Variants in ARPP21 observed in about 807,000 individuals in gnomAD.
ARPP21 encodes cAMP-regulated phosphoprotein 21.
Under a neutral mutation model 113.2 loss-of-function variants are expected in ARPP21, and 69 were observed. The ratio of observed to expected loss-of-function variants is 0.61; its 90% confidence interval spans 0.50 to 0.74. The LOEUF (loss-of-function observed/expected upper bound fraction) is 0.74. ARPP21 is among the 30% of genes least tolerant of loss of function. The probability of loss-of-function intolerance (pLI) is 0.00; values close to 1 mark genes in which losing one functional copy is unlikely to be tolerated. For synonymous variants in ARPP21, 368 were observed against 375.5 expected, an observed-to-expected ratio of 0.98 and a Z score of 0.23; for missense variants, 1,070 against 1,037.4, an observed-to-expected ratio of 1.03 and a Z score of -0.43.
intron 20 of ARPP21, among the ~76,000 whole-genome samples, chr3:35,792,894 A>C (rs2096774247): frequency 6.6e-6 from 1 of 152,214 alleles, no homozygotes; most frequent in South Asian, 2.1e-4. Flanking sequence ...ACACCCAAAT[A>C]AACTTCATTT....
chr3:35,770,185 A>G (rs1161929699), intron 19 of ARPP21, among the ~76,000 whole-genome samples: 2 of 152,240 alleles, frequency 1.3e-5, no homozygotes, highest in East Asian at 1.9e-4. Context: ...GCTTCCCTGC[A>G]TAGCCCCAAA....
intron 4 of ARPP21, among the ~76,000 whole-genome samples, chr3:35,683,276 A>G (rs1461715508): frequency 6.6e-6 from 1 of 151,686 alleles, no homozygotes; most frequent in Non-Finnish European, 1.5e-5. Context: ...TTTAGAGTAG[A>G]AATTTTATTC....
intron 1 of ARPP21, among the ~76,000 whole-genome samples, chr3:35,654,088 A>G (rs1043594741): frequency 1.3e-5 from 2 of 152,038 alleles, no homozygotes; most frequent in Non-Finnish European, 2.9e-5. Context: ...TAGGGGACCC[A>G]GTGATTCACA....
At chr3:35,717,463 AG>A (rs1559727799) in intron 13 of ARPP21, 106 bp downstream of exon 13, 2 of 740,180 alleles carry the variant, frequency 2.7e-6, no homozygotes, top group Non-Finnish European at 2.4e-6. Flanking sequence ...CATTTAAAAA[AG>A]TCTGGTTATC....
chr3:35,745,606 G>A (rs115247419), intron 19 of ARPP21, among the ~76,000 whole-genome samples: 1 of 152,142 alleles, frequency 6.6e-6, no homozygotes, highest in Non-Finnish European at 1.5e-5. Context: ...TATGTGAGGG[G>A]ATGAGAAAGT....
At chr3:35,748,684 T>C (rs1300194859) in intron 19 of ARPP21, among the ~76,000 whole-genome samples, 1 of 152,258 alleles carries the variant, frequency 6.6e-6, no homozygotes, top group African/African-American at 2.4e-5. Context: ...AACATTTCAT[T>C]CCTTAATGTT....
At chr3:35,760,182 C>G (rs1219517188) in intron 19 of ARPP21, among the ~76,000 whole-genome samples, 1 of 152,098 alleles carries the variant, frequency 6.6e-6, no homozygotes. Context: ...CTTTCTCCCC[C>G]TTGTTGTCGT....
At chr3:35,690,520 A>G (rs1025726225) in intron 8 of ARPP21, among the ~76,000 whole-genome samples, 3 of 151,502 alleles carry the variant, frequency 2.0e-5, no homozygotes, top group African/African-American at 7.3e-5. Flanking sequence ...ACACATCTCC[A>G]TATAGACATC....
intron 1 of ARPP21, among the ~76,000 whole-genome samples, chr3:35,672,168 G>T (rs1380067846): frequency 2.0e-5 from 3 of 152,016 alleles, no homozygotes; most frequent in Non-Finnish European, 4.4e-5. Flanking sequence ...AAATCCCTTT[G>T]TCTGCTGACT....
At chr3:35,757,064 T>A (rs2095596894) in intron 19 of ARPP21, among the ~76,000 whole-genome samples, 1 of 142,550 alleles carries the variant, frequency 7.0e-6, no homozygotes, top group Non-Finnish European at 1.5e-5. Context: ...AAGTGCCTTT[T>A]AGTGATTTTT....
In ARPP21 at chr3:35,721,637, G is replaced by A. The variant is rs765166691; in HGVS notation, c.1028G>A (p.Gly343Glu). The A allele has an allele frequency of 5.2e-5, 84 of 1,613,250 alleles. No homozygotes were observed. The South Asian group carries it at 7.0e-4, about 14-fold the overall frequency. ...GNRDGSGRTS[G>E]SRQSSSENEL... is the part of the protein sequence containing the mutation. ...AGAGATGGCTCAGGGAGAACATCTG[G>A]GAGTCGACAGAGCAGCTCAGAAAAT... is the stretch of plus-strand genomic sequence containing the variant. The change falls in exon 14 of 21, where the codon GGG becomes GAG. Residue 343 changes from glycine (G) to glutamate (E), a missense_variant. Physicochemically the swap from Gly to Glu is moderately conservative, Grantham distance 98. Transcript: ENST00000684406.
At chr3:35,651,515 T>C (rs1315901438) in intron 1 of ARPP21, among the ~76,000 whole-genome samples, 1 of 152,086 alleles carries the variant, frequency 6.6e-6, no homozygotes, top group East Asian at 1.9e-4. Flanking sequence ...GCACTAATGC[T>C]ACCCAACAGG....
At chr3:35,786,250 G>A (rs530731352) in intron 19 of ARPP21, among the ~76,000 whole-genome samples, 9 of 152,124 alleles carry the variant, frequency 5.9e-5, no homozygotes, top group Admixed American at 6.5e-5. Flanking sequence ...TTGGCCGGGC[G>A]TGGTGGTTCA....
chr3:35,766,965 T>C (rs13322667), intron 19 of ARPP21, among the ~76,000 whole-genome samples: 4,028 of 152,270 alleles, frequency 0.026, 185 homozygotes, highest in African/African-American at 0.088. Flanking sequence ...CAGCAATTAC[T>C]ATAATGGTGT....
intron 19 of ARPP21, among the ~76,000 whole-genome samples, chr3:35,769,584 C>A (rs1207292459): frequency 6.6e-6 from 1 of 152,186 alleles, no homozygotes; most frequent in African/African-American, 2.4e-5. Context: ...AGTTCGCTAT[C>A]TTTTGTTGCT....
At chr3:35,767,411 G>T (rs1262567196) in intron 19 of ARPP21, among the ~76,000 whole-genome samples, 1 of 152,066 alleles carries the variant, frequency 6.6e-6, no homozygotes, top group Non-Finnish European at 1.5e-5. Flanking sequence ...GGACAATAAA[G>T]TGTGCTCTTT....
intron 18 of ARPP21, 108 bp from the exon 19 acceptor site, chr3:35,743,731 G>A (rs1223842542): frequency 3.4e-6 from 4 of 1,175,428 alleles, no homozygotes; most frequent in Non-Finnish European, 5.0e-6. Flanking sequence ...GTTTGCGGTG[G>A]CCATCTTCAC....
intron 5 of ARPP21, chr3:35,684,848 G>A (rs900103052): frequency 1.0e-6 from 1 of 982,300 alleles, no homozygotes; most frequent in Non-Finnish European, 1.2e-6. Flanking sequence ...ATGTCATAAG[G>A]CATGGACAGG....
chr3:35,638,858 T>C (rs1697388975), upstream of ARPP21: 2 of 152,424 alleles, frequency 1.3e-5, no homozygotes, highest in Non-Finnish European at 2.9e-5. Context: ...CTTTCAGTCT[T>C]GCTCAAAGCA....
Sources: gnomAD v4.1 joint callset for allele counts (sites outside exome capture counted in the v4.1 genomes callset) on GRCh38, gnomAD v4.1.1 for gene constraint, MANE v1.5 for transcripts, NCBI Gene and HGNC (gene_info 2026-07-23, HGNC 2026-07-21) for gene names.